The following MAST4 variants were observed in gnomAD, a reference collection of about 807,000 sequenced individuals.
MAST4 encodes microtubule-associated serine/threonine-protein kinase 4.
MAST4 carries 89 observed loss-of-function variants against 162.7 expected under a neutral mutation model. The ratio of observed to expected loss-of-function variants is 0.55; its 90% CI spans 0.46 to 0.65. MAST4 has a LOEUF of 0.65. MAST4 is among the 30% of genes least tolerant of loss of function. The pLI is 0.00. For synonymous variants in MAST4, 1,479 were observed against 1,361.1 expected (o/e 1.09, Z -1.91); for missense variants, 3,153 against 3,374.0 (o/e 0.93, Z 1.62).
intron 1 of MAST4, among the ~76,000 whole-genome samples, chr5:66,758,520 G>GA (rs1753681943): frequency 6.6e-6 from 1 of 152,098 alleles, no homozygotes; most frequent in Non-Finnish European, 1.5e-5. Flanking sequence ...GGACTCAAGA[G>GA]AGTCTCCTGC....
chr5:66,966,884 CAG>C (rs1227398043), intron 4 of MAST4, among the ~76,000 whole-genome samples: 26 of 152,116 alleles, frequency 1.7e-4, no homozygotes, highest in Admixed American at 1.6e-3. Flanking sequence ...CCCCAAAAAA[CAG>C]AGTTGGTGAG....
In MAST4 at chr5:67,121,046, G is replaced by A. The variant is rs773427080; in HGVS notation, c.1689G>A (p.Arg563=). 1 of 1,611,194 alleles carries A rather than the reference G, an allele frequency of 6.2e-7. No individual in the cohort carries two copies. Among genetic ancestry groups the A allele is most frequent in the Non-Finnish European group, 8.5e-7 (1 of 1,178,718 alleles). Residue 563 remains arginine (R), a synonymous_variant, in exon 14 of 29, where the codon AGG becomes AGA. Transcript: ENST00000403625. ...SSSNASLKLR[R]KPRESDFETI... ...CTAATGCCTCCCTGAAACTTCGAAG[G>A]AAACCTCGGGAAAGTGATTTTGAAA...
intron 1 of MAST4, chr5:66,662,961 C>G (rs1207680287): frequency 6.6e-6 from 1 of 152,328 alleles, no homozygotes; most frequent in African/African-American, 2.4e-5. Flanking sequence ...CTGCCTCAAC[C>G]TCCCAAGTAG....
intron 24 of MAST4, among the ~76,000 whole-genome samples, chr5:67,151,756 CTTCTTTTT>C (rs1771843641): frequency 4.5e-5 from 6 of 133,982 alleles, no homozygotes; most frequent in South Asian, 4.8e-4. Context: ...TTTTTTTTTT[CTTCTTTTT>C]TTCTTTTTTT....
chr5:66,684,388 A>G (rs1023085920), intron 1 of MAST4, among the ~76,000 whole-genome samples: 3 of 151,474 alleles, frequency 2.0e-5, no homozygotes, highest in Non-Finnish European at 4.4e-5. Context: ...TTTATGTTCT[A>G]TTCTCAAAGA....
chr5:67,054,090 T>A (rs942154349), intron 4 of MAST4, among the ~76,000 whole-genome samples: 1 of 152,244 alleles, frequency 6.6e-6, no homozygotes, highest in Admixed American at 6.5e-5. Flanking sequence ...GGTTTGCTGA[T>A]TTGAATCCTT....
At chr5:66,862,036 TC>T (rs1760157954) in intron 3 of MAST4, among the ~76,000 whole-genome samples, 1 of 152,336 alleles carries the variant, frequency 6.6e-6, no homozygotes, top group African/African-American at 2.4e-5. Context: ...GCTTCTCCTT[TC>T]CTGCGACCCT....
At chr5:67,102,497 C>T (rs1765136476) in intron 8 of MAST4, 39 bp from the exon 9 acceptor site, 1 of 1,564,592 alleles carries the variant, frequency 6.4e-7, no homozygotes, top group African/African-American at 1.4e-5. Context: ...TCATTTCATG[C>T]TGTGGCAAGT....
At chr5:66,818,099 T>C (rs887845289) in intron 3 of MAST4, among the ~76,000 whole-genome samples, 13 of 152,238 alleles carry the variant, frequency 8.5e-5, no homozygotes, top group Admixed American at 4.6e-4. Context: ...AGGTCCTGTA[T>C]ACATAAGAGT....
intron 3 of MAST4, among the ~76,000 whole-genome samples, chr5:66,819,189 C>CA (rs1328533739): frequency 2.0e-5 from 3 of 152,146 alleles, no homozygotes; most frequent in Non-Finnish European, 4.4e-5. Flanking sequence ...GAAGTCAAAC[C>CA]AAATGCAGGG....
intron 4 of MAST4, among the ~76,000 whole-genome samples, chr5:66,927,529 A>G (rs974875441): frequency 6.6e-6 from 1 of 152,154 alleles, no homozygotes; most frequent in East Asian, 1.9e-4. Flanking sequence ...AACCAGGAAT[A>G]TGCCTGGAAC....
intron 1 of MAST4, among the ~76,000 whole-genome samples, chr5:66,639,464 A>C (rs1745343335): frequency 6.6e-6 from 1 of 152,196 alleles, no homozygotes; most frequent in South Asian, 2.1e-4. Context: ...TAATCCTTCA[A>C]AAGCAACATG....
intron 4 of MAST4, among the ~76,000 whole-genome samples, chr5:67,018,962 A>C: frequency 6.6e-6 from 1 of 152,220 alleles, no homozygotes; most frequent in East Asian, 1.9e-4. Context: ...GTACTCAGAC[A>C]TAACCACTAT....
Position 67,165,827 on chromosome 5 carries a change from A to G in MAST4, c.6648A>G (p.Lys2216=), listed in dbSNP as rs936199348. The G allele has an allele frequency of 1.2e-6, 2 of 1,612,776 alleles. No homozygotes were observed. Among genetic ancestry groups the G allele is most frequent in the African/African-American group, 1.3e-5 (1 of 74,920 alleles). Residue 2216 remains lysine (K), a synonymous_variant, in exon 29 of 29, where the codon AAA becomes AAG. Transcript: ENST00000403625. ...KHPDRSLSSQ[K]PSVGATKGKE... is the part of the protein sequence containing the mutation. ...CCGACCGGTCCCTCTCCTCTCAGAA[A>G]CCAAGTGTCGGGGCCACAAAGGGCA...
intron 4 of MAST4, among the ~76,000 whole-genome samples, chr5:67,031,045 A>T: frequency 6.6e-6 from 1 of 152,168 alleles, no homozygotes; most frequent in South Asian, 2.1e-4. Flanking sequence ...TCTATTGGGG[A>T]TAACACTTCC....
At chr5:66,621,330 T>C (rs1323609435) in intron 1 of MAST4, among the ~76,000 whole-genome samples, 2 of 152,246 alleles carry the variant, frequency 1.3e-5, no homozygotes, top group African/African-American at 4.8e-5. Flanking sequence ...GGTTCTGGAA[T>C]TTTTCTCATT....
chr5:67,030,840 T>C (rs1465296484), intron 4 of MAST4, among the ~76,000 whole-genome samples: 2 of 152,180 alleles, frequency 1.3e-5, no homozygotes, highest in African/African-American at 4.8e-5. Context: ...TTTAGTATTT[T>C]AGTGCAATAG....
intron 10 of MAST4, among the ~76,000 whole-genome samples, chr5:67,106,106 C>T (rs1323190485): frequency 1.3e-5 from 2 of 152,216 alleles, no homozygotes; most frequent in East Asian, 1.9e-4. Flanking sequence ...CTGCCTCTTC[C>T]AGGGATTTCT....
chr5:66,654,008 C>G (rs1746391311), intron 1 of MAST4, among the ~76,000 whole-genome samples: 2 of 152,176 alleles, frequency 1.3e-5, no homozygotes, highest in Non-Finnish European at 2.9e-5. Flanking sequence ...TTAAGAAACA[C>G]TGTACCAGAC....
Sources: allele counts gnomAD v4.1 joint callset (sites outside exome capture counted in the v4.1 genomes callset), GRCh38; gene constraint gnomAD v4.1.1; transcripts MANE v1.5; gene names NCBI Gene and HGNC (gene_info 2026-07-23, HGNC 2026-07-21).